The following BRDT variants were observed in gnomAD, a reference collection of about 807,000 sequenced individuals.
BRDT encodes bromodomain testis-specific protein.
In BRDT, 77 loss-of-function variants were observed where a neutral mutation model predicts 113.9. That is an observed-to-expected ratio of 0.68 (90% CI 0.56 to 0.82). The LOEUF is 0.82. Ranked by LOEUF, BRDT falls within the 40% of genes least tolerant of loss-of-function variation. The pLI, the probability that BRDT is intolerant of heterozygous loss-of-function variation, is 0.00. For synonymous variants in BRDT, 358 were observed against 366.5 expected, an observed-to-expected ratio of 0.98 and a Z score of 0.26; for missense variants, 1,027 against 1,105.4, an observed-to-expected ratio of 0.93 and a Z score of 1.01.
At chr1:91,979,472 A>G in intron 7 of BRDT, 97 bp from the exon 8 acceptor site, 1 of 1,214,616 alleles carries the variant, frequency 8.2e-7, no homozygotes, top group East Asian at 2.4e-5. Context: ...AATTCTGGTC[A>G]AAATATGACA....
rs559175524 is a variant in BRDT, at chr1:91,998,186, A to G, written c.2288-3863A>G. ...CACTAAATTGCCGCCATGAAAAGGGATGAGTTCATGTCCTTTGCAGGGACA... is the reference window on the plus strand; with the variant it reads ...CACTAAATTGCCGCCATGAAAAGGGGTGAGTTCATGTCCTTTGCAGGGACA... On this transcript the variant is annotated intron_variant, in intron 15 of 18. Transcript: ENST00000399546. Among the ~76,000 whole-genome samples the G allele has an allele frequency of 4.5e-4, 68 of 152,304 alleles. 1 individual carries two copies. The highest frequency in any genetic ancestry group is 1.5e-3 in the African/African-American group (63 of 41,568).
intron 4 of BRDT, among the ~76,000 whole-genome samples, chr1:91,976,022 A>G (rs1248536760): frequency 6.6e-6 from 1 of 152,184 alleles, no homozygotes; most frequent in African/African-American, 2.4e-5. Flanking sequence ...GTCTTGGTTT[A>G]AGCCAGGCAC....
Position 91,994,146 on chromosome 1 carries a change from T to G in BRDT, c.2179T>G (p.Ser727Ala). ...NTTLVHQTTP[S>A]HVMPPNHHQL... ...TACCCTTGTTCATCAGACCACACCT[T>G]CACATGTAATGCCACCAAATCACCA... The change falls in exon 15 of 19, where the codon TCA becomes GCA. Residue 727 changes from serine to alanine, a missense_variant. Ser to Ala is a moderately conservative substitution (Grantham distance 99, BLOSUM62 1). Transcript: ENST00000399546. 9 of 1,613,754 alleles carry G rather than the reference T, an allele frequency of 5.6e-6. No homozygotes were observed. The highest frequency in any genetic ancestry group is 7.6e-6 in the Non-Finnish European group (9 of 1,179,814).
chr1:91,985,128 C>T (rs955072108), intron 12 of BRDT, among the ~76,000 whole-genome samples: 1 of 152,156 alleles, frequency 6.6e-6, no homozygotes, highest in African/African-American at 2.4e-5. Context: ...GTCGCCCAGG[C>T]TGGGGTGCAG....
In BRDT at chr1:91,981,714, G is replaced by T; in HGVS notation, c.1961G>T (p.Ser654Ile). Residue 654 changes from serine to isoleucine, a missense_variant, in exon 12 of 19, where the codon AGC (serine) becomes ATC (isoleucine). Ser to Ile is a moderately radical substitution (Grantham distance 142). Coordinates refer to ENST00000399546, the MANE Select transcript of BRDT (RefSeq NM_207189.4). ...SSSSSESESS[S>I]SDLSSSDSSD... Reference sequence around the variant, plus strand: ...AGCTCATCAGAGTCTGAAAGTAGCAGCAGTGACTTAAGCTCTTCAGACAGC... The same window carrying T: ...AGCTCATCAGAGTCTGAAAGTAGCATCAGTGACTTAAGCTCTTCAGACAGC... 1 of 1,614,158 alleles carries T rather than the reference G, an allele frequency of 6.2e-7. No homozygotes were observed. The highest frequency in any genetic ancestry group is 8.5e-7 in the Non-Finnish European group (1 of 1,180,016).
chr1:91,976,395 T>C lies in BRDT; in HGVS notation c.575T>C (p.Val192Ala). 1 of 1,605,200 alleles carries C rather than the reference T, an allele frequency of 6.2e-7. No homozygotes were observed. Among genetic ancestry groups the C allele is most frequent in the Non-Finnish European group, 8.5e-7 (1 of 1,176,996 alleles). Residue 192 changes from valine (V) to alanine (A), a missense_variant, in exon 5 of 19, where the codon GTA becomes GCA. By Grantham distance (64) the Val-to-Ala change is moderately conservative. Coordinates refer to ENST00000399546, the MANE Select transcript of BRDT (RefSeq NM_207189.4). ...PKTSISPLNV[V>A]QGASVNSSSQ... ...ACATCTATTTCTCCCTTGAACGTGG[T>C]ACAGGGAGCTTCAGTCAACTCCAGT...
intron 3 of BRDT, among the ~76,000 whole-genome samples, chr1:91,967,120 G>A (rs1557814775): frequency 6.6e-6 from 1 of 152,134 alleles, no homozygotes; most frequent in East Asian, 1.9e-4. Flanking sequence ...AATTGAGTCA[G>A]TGCTACAGTG....
chr1:91,999,887 T>C (rs979151900), intron 15 of BRDT, among the ~76,000 whole-genome samples: 2 of 152,216 alleles, frequency 1.3e-5, no homozygotes, highest in African/African-American at 4.8e-5. Flanking sequence ...AGATTGTATT[T>C]ATTTTTTTGA....
At chr1:91,992,971 C>T (rs1685939030) in intron 14 of BRDT, among the ~76,000 whole-genome samples, 1 of 152,152 alleles carries the variant, frequency 6.6e-6, no homozygotes, top group Non-Finnish European at 1.5e-5. Flanking sequence ...ATGTAGAATG[C>T]CACCTTTTTA....
intron 3 of BRDT, 114 bp downstream of exon 3, chr1:91,964,878 CGTGT>C (rs59328937): frequency 0.018 from 6,137 of 338,692 alleles, 157 homozygotes; most frequent in Middle Eastern, 0.027. Flanking sequence ...AGATACTTGA[CGTGT>C]GTGTGTGTGT....
chr1:91,972,642 T>A (rs1286811383), intron 4 of BRDT, among the ~76,000 whole-genome samples: 1 of 152,094 alleles, frequency 6.6e-6, no homozygotes, highest in African/African-American at 2.4e-5. Flanking sequence ...CAAAACAAAG[T>A]CCCCTTACCC....
At chr1:91,960,177 C>G (rs1682275200) in intron 1 of BRDT, among the ~76,000 whole-genome samples, 3 of 152,142 alleles carry the variant, frequency 2.0e-5, no homozygotes, top group African/African-American at 7.2e-5. Flanking sequence ...GCCATATGAT[C>G]TAGCAATTCC....
In BRDT at chr1:91,979,920, A is replaced by G. The variant is rs766233448; in HGVS notation, c.1287+163A>G. On this transcript the variant is annotated intron_variant, in intron 8 of 18. Transcript: ENST00000399546. ...ATGTTTAATAGTTTTTCCTAATCAA[A>G]TATTTATTATCATAAAAATCTGTTA... 6.4e-4 allele frequency among the ~76,000 whole-genome samples: 98 copies of G among 152,308 alleles called. 1 individual carries two copies. Among genetic ancestry groups the G allele is most frequent in the Non-Finnish European group, 1.2e-3 (85 of 68,030 alleles).
In BRDT at chr1:91,980,813, AAAGT is replaced by A. The variant is rs1177678095; in HGVS notation, c.1460+4_1460+7del. The stretch of plus-strand genomic sequence containing the variant: ...TGAGGCTAAAGGAAAAGTCCAAGAG[AAAGT>A]AAGTATCTTTTATTATGATAGCTTA... On this transcript the variant is annotated splice_donor_variant and coding_sequence_variant, in exon 9 of 19. Transcript: ENST00000399546. LOFTEE classifies it high-confidence loss of function. 4.4e-6 allele frequency: 7 copies of A among 1,591,762 alleles called. No homozygotes were observed. Among genetic ancestry groups the A allele is most frequent in the Admixed American group, 1.9e-5 (1 of 53,452 alleles).
At chr1:91,951,225 AG>A in intron 1 of BRDT, among the ~76,000 whole-genome samples, 1 of 152,302 alleles carries the variant, frequency 6.6e-6, no homozygotes, top group African/African-American at 2.4e-5. Context: ...GAGTCTAGTA[AG>A]GGGGCAGATT....
intron 12 of BRDT, among the ~76,000 whole-genome samples, chr1:91,988,290 T>C (rs1020106790): frequency 6.6e-6 from 1 of 152,240 alleles, no homozygotes; most frequent in African/African-American, 2.4e-5. Flanking sequence ...GCATATATTA[T>C]CCACTTTGAT....
At chr1:91,968,522 G>A (rs897241055) in intron 4 of BRDT, among the ~76,000 whole-genome samples, 1 of 152,162 alleles carries the variant, frequency 6.6e-6, no homozygotes, top group Non-Finnish European at 1.5e-5. Context: ...TAGGGATTCA[G>A]AAAATCATAG....
chr1:91,970,847 T>G (rs949017610), intron 4 of BRDT, among the ~76,000 whole-genome samples: 19 of 140,600 alleles, frequency 1.4e-4, no homozygotes, highest in African/African-American at 4.6e-4. Context: ...GGGTTGAAGG[T>G]GCAGTGAGCC....
At chr1:91,951,264 C>T (rs6666624) in intron 1 of BRDT, among the ~76,000 whole-genome samples, 108,672 of 152,032 alleles carry the variant, frequency 0.71, 39,881 homozygotes, top group Middle Eastern at 0.82. Context: ...GCATGAAGGA[C>T]AGTGAGTTGA....
Sources: gnomAD v4.1 joint callset for allele counts (sites outside exome capture counted in the v4.1 genomes callset) on GRCh38, gnomAD v4.1.1 for gene constraint, MANE v1.5 for transcripts, NCBI Gene and HGNC (gene_info 2026-07-23, HGNC 2026-07-21) for gene names.